CSMD1: variants seen among roughly 807,000 people sequenced by gnomAD.
CSMD1 encodes CUB and Sushi multiple domains 1.
Under a neutral mutation model 417.5 loss-of-function variants are expected in CSMD1, and 213 were observed. The ratio of observed to expected loss-of-function variants is 0.51; its 90% confidence interval spans 0.46 to 0.57. The LOEUF (loss-of-function observed/expected upper bound fraction) is 0.57, where lower values mean the gene tolerates loss of function less well. Among genes scored for constraint, CSMD1 ranks in the 20% least tolerant of loss-of-function variants. The pLI, the probability that CSMD1 is intolerant of heterozygous loss-of-function variation, is 0.00. For missense variants in CSMD1, 6,923 were observed against 4,529.7 expected, an observed-to-expected ratio of 1.53 and a Z score of -15.17; for synonymous variants, 2,862 against 1,736.8, an observed-to-expected ratio of 1.65 and a Z score of -16.11.
At chr8:3,650,084 G>C (rs148562336) in intron 7 of CSMD1, among the ~76,000 whole-genome samples, 3,088 of 152,206 alleles carry the variant, frequency 0.02, 112 homozygotes, top group African/African-American at 0.071. Flanking sequence ...TTTGAGACTA[G>C]CCTGGACAAC....
chr8:3,535,661 C>G (rs964732151), intron 10 of CSMD1, among the ~76,000 whole-genome samples: 1 of 152,202 alleles, frequency 6.6e-6, no homozygotes, highest in Non-Finnish European at 1.5e-5. Context: ...TTAACCACTA[C>G]AAAATCTATG....
At chr8:4,499,388 G>C (rs533674544) in intron 2 of CSMD1, among the ~76,000 whole-genome samples, 1 of 152,166 alleles carries the variant, frequency 6.6e-6, no homozygotes, top group Non-Finnish European at 1.5e-5. Flanking sequence ...TCTGCAGAGA[G>C]GGGTCAGGTT....
chr8:3,939,334 G>T (rs1289468377), intron 5 of CSMD1, among the ~76,000 whole-genome samples: 1 of 152,100 alleles, frequency 6.6e-6, no homozygotes, highest in Non-Finnish European at 1.5e-5. Context: ...CTGTAAAAAT[G>T]GTCCTAATTA....
chr8:4,572,945 G>C (rs1798957461), intron 2 of CSMD1, among the ~76,000 whole-genome samples: 1 of 152,090 alleles, frequency 6.6e-6, no homozygotes, highest in Non-Finnish European at 1.5e-5. Flanking sequence ...TGAAGTCCTT[G>C]TGCCGTGTTT....
At chr8:3,500,104 C>T (rs1388826757) in intron 10 of CSMD1, among the ~76,000 whole-genome samples, 4 of 152,090 alleles carry the variant, frequency 2.6e-5, no homozygotes, top group African/African-American at 9.7e-5. Context: ...CCTTTTTTGG[C>T]ACTGAACGGA....
At chr8:3,637,895 T>C (rs969018554) in intron 7 of CSMD1, among the ~76,000 whole-genome samples, 9 of 152,152 alleles carry the variant, frequency 5.9e-5, no homozygotes, top group African/African-American at 1.9e-4. Context: ...TACAGAGCAG[T>C]TCCCCTGCCC....
At chr8:4,320,420 A>C (rs1048908446) in intron 3 of CSMD1, among the ~76,000 whole-genome samples, 2 of 152,096 alleles carry the variant, frequency 1.3e-5, no homozygotes, top group Admixed American at 6.6e-5. Context: ...CAGGTTTGTG[A>C]CATAGGTAGA....
chr8:4,027,771 T>C (rs768614534), intron 4 of CSMD1, among the ~76,000 whole-genome samples: 1 of 152,038 alleles, frequency 6.6e-6, no homozygotes, highest in Non-Finnish European at 1.5e-5. Flanking sequence ...ATAACTAAAA[T>C]AACATAGTAA....
At chr8:3,262,322 A>ATAGAAGGC (rs1047287432) in intron 26 of CSMD1, among the ~76,000 whole-genome samples, 13 of 148,944 alleles carry the variant, frequency 8.7e-5, no homozygotes, top group African/African-American at 3.2e-4. Context: ...TACCTTTGTG[A>ATAGAAGGC]TAGAAGGCAA....
intron 25 of CSMD1, among the ~76,000 whole-genome samples, chr8:3,303,229 G>C (rs1348621987): frequency 1.3e-5 from 2 of 151,996 alleles, no homozygotes; most frequent in Non-Finnish European, 2.9e-5. Context: ...ACAGAGGCTG[G>C]ACATGGAGAC....
intron 2 of CSMD1, among the ~76,000 whole-genome samples, chr8:4,485,086 A>C (rs1322367814): frequency 6.7e-6 from 1 of 148,860 alleles, no homozygotes; most frequent in Non-Finnish European, 1.5e-5. Flanking sequence ...CACAGAAAGG[A>C]GATGCTGAGA....
intron 1 of CSMD1, among the ~76,000 whole-genome samples, chr8:4,991,751 G>T (rs1039258790): frequency 6.6e-6 from 1 of 152,178 alleles, no homozygotes; most frequent in African/African-American, 2.4e-5. Flanking sequence ...ACGCGACGCC[G>T]CCCCAATGGC....
chr8:3,402,686 C>T (rs929835031), intron 15 of CSMD1, among the ~76,000 whole-genome samples: 1 of 152,190 alleles, frequency 6.6e-6, no homozygotes, highest in African/African-American at 2.4e-5. Context: ...TTTTATGTTA[C>T]CAAATATCTA....
At chr8:3,412,457 T>C (rs1812871364) in intron 12 of CSMD1, among the ~76,000 whole-genome samples, 1 of 152,176 alleles carries the variant, frequency 6.6e-6, no homozygotes, top group Admixed American at 6.5e-5. Flanking sequence ...AGAGATGTTA[T>C]ATTGCATTCA....
intron 5 of CSMD1, among the ~76,000 whole-genome samples, chr8:3,804,384 A>T (rs1001599938): frequency 5.3e-5 from 8 of 152,238 alleles, no homozygotes; most frequent in African/African-American, 1.7e-4. Flanking sequence ...TTAACCGGAC[A>T]CAAATAAAAA....
chr8:3,552,705 T>C lies in CSMD1; in HGVS notation c.1344+22240A>G, dbSNP rs538213198. On this transcript the variant is annotated intron_variant, in intron 10 of 69. Coordinates refer to ENST00000635120, the MANE Select transcript of CSMD1 (RefSeq NM_033225.6). ...TATACTCCATTTGGGTCTGAAGTTTTAGACTACGAAATTATCTACGTAAAG... is the reference window on the plus strand; with the variant it reads ...TATACTCCATTTGGGTCTGAAGTTTCAGACTACGAAATTATCTACGTAAAG... Among the ~76,000 whole-genome samples, 4 of 152,346 alleles carry C rather than the reference T, an allele frequency of 2.6e-5. No homozygotes were observed. In the East Asian group the frequency reaches 7.7e-4, roughly 29 times the overall value.
intron 26 of CSMD1, among the ~76,000 whole-genome samples, chr8:3,267,459 G>A (rs193199804): frequency 6.6e-6 from 1 of 152,208 alleles, no homozygotes; most frequent in African/African-American, 2.4e-5. Context: ...GGCCGTGCAT[G>A]TACACTGGTA....
At chr8:4,338,890 C>T (rs547568373) in intron 3 of CSMD1, among the ~76,000 whole-genome samples, 1 of 152,014 alleles carries the variant, frequency 6.6e-6, no homozygotes, top group East Asian at 1.9e-4. Flanking sequence ...GAACCTTTTA[C>T]TAGAACTGAC....
At chr8:3,299,753 A>G (rs1285275053) in intron 25 of CSMD1, among the ~76,000 whole-genome samples, 2 of 152,238 alleles carry the variant, frequency 1.3e-5, no homozygotes, top group Non-Finnish European at 2.9e-5. Context: ...ATGTCAAAAA[A>G]GTCAACATAG....
Sources: allele counts gnomAD v4.1 joint callset (sites outside exome capture counted in the v4.1 genomes callset), GRCh38; gene constraint gnomAD v4.1.1; transcripts MANE v1.5; gene names NCBI Gene and HGNC (gene_info 2026-07-23, HGNC 2026-07-21).